The following CASK variants were observed in gnomAD, a reference collection of about 807,000 sequenced individuals.
The protein encoded by CASK is calcium/calmodulin dependent serine protein kinase.
CASK carries 4 observed loss-of-function variants against 82.9 expected under a neutral mutation model. That is an observed-to-expected ratio of 0.05 (90% CI 0.02 to 0.11). CASK has a LOEUF of 0.11. Ranked by LOEUF, CASK falls within the 10% of genes least tolerant of loss-of-function variation. The pLI is 1.00. For synonymous variants in CASK, 259 were observed against 253.5 expected (o/e 1.02, Z -0.20); for missense variants, 358 against 720.9 (o/e 0.50, Z 5.76).
chrX:41,690,576 G>A (rs763922109), intron 5 of CASK, among the ~76,000 whole-genome samples: 2 of 107,328 alleles, frequency 1.9e-5, no homozygotes, highest in East Asian at 5.8e-4. Context: ...GGCCAGGCTG[G>A]TCTCGAATTC....
intron 16 of CASK, among the ~76,000 whole-genome samples, chrX:41,564,980 G>A (rs903256592): frequency 3.6e-5 from 4 of 111,904 alleles, no homozygotes; most frequent in Non-Finnish European, 7.5e-5. Context: ...GCTCCTGATT[G>A]ACTACTGGGT....
chrX:41,905,458 G>C (rs1339715038), intron 1 of CASK, among the ~76,000 whole-genome samples: 1 of 112,661 alleles, frequency 8.9e-6, no homozygotes, highest in Non-Finnish European at 1.9e-5. Context: ...ATTTGGTCTT[G>C]ATTTGCACTT....
At chrX:41,652,929 T>C (rs1047517236) in intron 8 of CASK, among the ~76,000 whole-genome samples, 1 of 112,460 alleles carries the variant, frequency 8.9e-6, no homozygotes, top group Non-Finnish European at 1.9e-5. Flanking sequence ...CAGTCTGACA[T>C]TCTGGAGGCC....
chrX:41,625,903 C>A (rs1395721365), intron 10 of CASK, among the ~76,000 whole-genome samples: 1 of 106,049 alleles, frequency 9.4e-6, no homozygotes, highest in East Asian at 2.9e-4. Flanking sequence ...CTCAGCCTCC[C>A]AAGTAGCTGG....
At chrX:41,570,010 C>CTTTTTT (rs397937722) in intron 15 of CASK, among the ~76,000 whole-genome samples, 65 of 70,617 alleles carry the variant, frequency 9.2e-4, no homozygotes, top group African/African-American at 1.1e-3. Context: ...TTTCTTTTTT[C>CTTTTTT]TTTTTTTTTT....
intron 9 of CASK, among the ~76,000 whole-genome samples, chrX:41,634,329 A>T (rs1444326968): frequency 8.9e-6 from 1 of 112,627 alleles, no homozygotes; most frequent in Non-Finnish European, 1.9e-5. Context: ...AGGTGGCTGA[A>T]CTACTCAAAA....
intron 2 of CASK, among the ~76,000 whole-genome samples, chrX:41,788,013 C>T (rs1341660181): frequency 3.7e-5 from 4 of 109,073 alleles, no homozygotes; most frequent in African/African-American, 1.3e-4. Context: ...AAAAATTAGC[C>T]GGGCATGGTG....
intron 1 of CASK, among the ~76,000 whole-genome samples, chrX:41,868,696 T>C: frequency 9.0e-6 from 1 of 111,714 alleles, no homozygotes. Context: ...AGTTATTCAA[T>C]CTCTCTGGGG....
intron 5 of CASK, among the ~76,000 whole-genome samples, chrX:41,717,993 G>C (rs1195874550): frequency 1.8e-5 from 2 of 112,452 alleles, no homozygotes; most frequent in Non-Finnish European, 3.8e-5. Context: ...ACCAAGGCAG[G>C]ATGACAAGGT....
intron 2 of CASK, among the ~76,000 whole-genome samples, chrX:41,819,018 A>G (rs954905623): frequency 3.6e-5 from 4 of 111,897 alleles, no homozygotes; most frequent in Non-Finnish European, 5.6e-5. Flanking sequence ...ACAATTCATA[A>G]AACAATACGT....
chrX:41,851,952 A>G, intron 2 of CASK, among the ~76,000 whole-genome samples: 1 of 111,049 alleles, frequency 9.0e-6, no homozygotes. Flanking sequence ...TTTGTTCTAA[A>G]CCCCACTTAA....
At chrX:41,598,889 T>G (rs1039763974) in intron 12 of CASK, among the ~76,000 whole-genome samples, 1 of 112,264 alleles carries the variant, frequency 8.9e-6, no homozygotes, top group African/African-American at 3.2e-5. Flanking sequence ...ACTCAAATAA[T>G]AGTCATACAG....
intron 16 of CASK, chrX:41,562,156 T>C (rs189698266): frequency 8.8e-6 from 1 of 113,208 alleles, no homozygotes; most frequent in African/African-American, 3.2e-5. Flanking sequence ...CTGCTATCGT[T>C]ATCTACCAGA....
intron 14 of CASK, chrX:41,584,515 G>A (rs1382568184): frequency 9.0e-6 from 1 of 111,569 alleles, no homozygotes; most frequent in African/African-American, 3.3e-5. Flanking sequence ...AATAGTTTTG[G>A]GATGAAACCG....
intron 3 of CASK, among the ~76,000 whole-genome samples, chrX:41,756,315 A>G (rs1195451406): frequency 1.8e-5 from 2 of 112,259 alleles, no homozygotes; most frequent in African/African-American, 6.5e-5. Context: ...GGGCAAACAC[A>G]GTCTCTTCAA....
chrX:41,893,317 G>T (rs1031218309), intron 1 of CASK, among the ~76,000 whole-genome samples: 1 of 112,069 alleles, frequency 8.9e-6, no homozygotes, highest in African/African-American at 3.2e-5. Flanking sequence ...AAGCCCCATG[G>T]CCAGGGGCAC....
At chrX:41,613,000 A>T (rs1193057114) in intron 11 of CASK, among the ~76,000 whole-genome samples, 2 of 86,587 alleles carry the variant, frequency 2.3e-5, no homozygotes, top group African/African-American at 9.0e-5. Flanking sequence ...CCCGTCCGGG[A>T]GGGAGGTGGG....
chrX:41,727,241 G>C (rs1569421193), intron 5 of CASK: 1 of 1,203,552 alleles, frequency 8.3e-7, no homozygotes, highest in Admixed American at 2.2e-5. Flanking sequence ...CCTTTCATGA[G>C]TATCTATTTC....
At chrX:41,773,374 CAAAAA>C (rs552195137) in intron 3 of CASK, among the ~76,000 whole-genome samples, 2 of 48,227 alleles carry the variant, frequency 4.1e-5, no homozygotes, top group East Asian at 8.8e-4. Flanking sequence ...GACCCTGTCT[CAAAAA>C]AAAAAAAAAA....
Sources: gnomAD v4.1 joint callset for allele counts (sites outside exome capture counted in the v4.1 genomes callset) on GRCh38, gnomAD v4.1.1 for gene constraint, MANE v1.5 for transcripts, NCBI Gene and HGNC (gene_info 2026-07-23, HGNC 2026-07-21) for gene names.